KAZN: variants seen among roughly 807,000 people sequenced by gnomAD.
KAZN encodes kazrin, periplakin interacting protein.
Under a neutral mutation model 87.4 loss-of-function variants are expected in KAZN, and 40 were observed. The observed-to-expected ratio is 0.46, with a 90% CI of 0.36 to 0.60. KAZN has a LOEUF of 0.60. Ranked by LOEUF, KAZN falls within the 20% of genes least tolerant of loss-of-function variation. KAZN has a pLI of 0.00. For missense variants in KAZN, 898 were observed against 1,073.9 expected, an observed-to-expected ratio of 0.84 and a Z score of 2.29; for synonymous variants, 466 against 458.3, an observed-to-expected ratio of 1.02 and a Z score of -0.22.
chr1:14,914,323 TGG>T (rs1220898629), intron 1 of KAZN, among the ~76,000 whole-genome samples: 1 of 152,210 alleles, frequency 6.6e-6, no homozygotes, highest in African/African-American at 2.4e-5. Flanking sequence ...TCTGCCTCTC[TGG>T]GCTTTGCATT....
At chr1:14,132,077 T>A (rs1570817048) in intron 1 of KAZN, among the ~76,000 whole-genome samples, 1 of 152,080 alleles carries the variant, frequency 6.6e-6, no homozygotes, top group Admixed American at 6.6e-5. Context: ...CAATAAAAGA[T>A]ATATAATGAA....
intron 1 of KAZN, among the ~76,000 whole-genome samples, chr1:14,873,270 AG>A (rs1173063843): frequency 6.6e-6 from 1 of 152,256 alleles, no homozygotes; most frequent in Non-Finnish European, 1.5e-5. Flanking sequence ...ACACAGACAA[AG>A]CTCCTGCTTT....
chr1:14,832,442 C>T (rs185260845), intron 1 of KAZN, among the ~76,000 whole-genome samples: 46 of 152,264 alleles, frequency 3.0e-4, no homozygotes, highest in Admixed American at 2.5e-3. Context: ...TTTCAGTAGA[C>T]ATCCTGGGAG....
At chr1:14,275,234 C>T (rs146062197) in intron 2 of KAZN, among the ~76,000 whole-genome samples, 1 of 152,134 alleles carries the variant, frequency 6.6e-6, no homozygotes, top group Non-Finnish European at 1.5e-5. Flanking sequence ...TATTCCCATG[C>T]AGTCCTTCAT....
At chr1:14,679,370 T>C (rs1640431358) in intron 1 of KAZN, among the ~76,000 whole-genome samples, 1 of 151,964 alleles carries the variant, frequency 6.6e-6, no homozygotes, top group Non-Finnish European at 1.5e-5. Context: ...TTAGTTGAGC[T>C]CTGGGGTGCA....
intron 2 of KAZN, among the ~76,000 whole-genome samples, chr1:14,336,304 C>T (rs1250171392): frequency 6.6e-6 from 1 of 152,202 alleles, no homozygotes; most frequent in Non-Finnish European, 1.5e-5. Context: ...GTACTTCATT[C>T]CTGTTTATGG....
chr1:14,906,941 G>C (rs1656655588), intron 1 of KAZN, among the ~76,000 whole-genome samples: 1 of 151,938 alleles, frequency 6.6e-6, no homozygotes, highest in South Asian at 2.1e-4. Flanking sequence ...CACTGGAGCA[G>C]TGTTTTGTCC....
intron 1 of KAZN, among the ~76,000 whole-genome samples, chr1:14,623,606 C>T (rs11586128): frequency 0.21 from 31,688 of 152,106 alleles, 3,603 homozygotes; most frequent in East Asian, 0.26. Context: ...TGCACATGTA[C>T]CCCTGAATCT....
In KAZN at chr1:14,923,650, A is replaced by G. The variant is rs941023750; in HGVS notation, c.227-37034A>G. Among the ~76,000 whole-genome samples the G allele has an allele frequency of 3.9e-5, 6 of 152,198 alleles. No individual in the cohort carries two copies. The highest frequency in any genetic ancestry group is 1.2e-4 in the African/African-American group (5 of 41,458). On this transcript the variant is annotated intron_variant, in intron 1 of 14. Transcript: ENST00000376030. The surrounding 1 kb of genome is among the most constrained non-coding windows in gnomAD (Gnocchi z 4.2). ...CAGCCCCCTCGCGATCTCCCCCACC[A>G]GACGGTGGGTGCACTCAGCATTCCC...
intron 1 of KAZN, among the ~76,000 whole-genome samples, chr1:13,895,967 A>G (rs1466099700): frequency 6.6e-6 from 1 of 151,096 alleles, no homozygotes; most frequent in Non-Finnish European, 1.5e-5. Context: ...TGTTTTACAT[A>G]AACTATCTCC....
In KAZN at chr1:14,298,391, T is replaced by A. The variant is rs139330068; in HGVS notation, c.249+117799T>A. Among the ~76,000 whole-genome samples, 121 of 152,326 alleles carry A rather than the reference T, an allele frequency of 7.9e-4. 1 individual carries two copies. Among genetic ancestry groups the A allele is most frequent in the Middle Eastern group, 3.4e-3 (1 of 294 alleles). Reference sequence around the variant, plus strand: ...CTTTCATGATGAAACTCAAGATGGCTTGTGTATAAAAACTCATTAGACTGT... The same window carrying A: ...CTTTCATGATGAAACTCAAGATGGCATGTGTATAAAAACTCATTAGACTGT... On this transcript the variant is annotated intron_variant, in intron 2 of 16. Coordinates refer to the KAZN transcript ENST00000636203.
At chr1:14,471,454 G>A (rs1668448345) in intron 2 of KAZN, among the ~76,000 whole-genome samples, 1 of 152,114 alleles carries the variant, frequency 6.6e-6, no homozygotes, top group Admixed American at 6.5e-5. Flanking sequence ...GCACACACAG[G>A]GACATTGCAT....
intron 2 of KAZN, among the ~76,000 whole-genome samples, chr1:14,472,150 C>T (rs77242642): frequency 0.026 from 3,928 of 152,254 alleles, 182 homozygotes; most frequent in African/African-American, 0.088. Flanking sequence ...TAATCCCATT[C>T]ATGAGGGCTC....
intron 8 of KAZN, among the ~76,000 whole-genome samples, chr1:15,083,300 G>A (rs959909970): frequency 2.6e-5 from 4 of 152,172 alleles, no homozygotes; most frequent in Non-Finnish European, 4.4e-5. Context: ...CAAAAATGGT[G>A]GAAAGTAGTA....
At chr1:14,405,248 A>C (rs75706473) in intron 2 of KAZN, among the ~76,000 whole-genome samples, 123 of 152,304 alleles carry the variant, frequency 8.1e-4, no homozygotes, top group African/African-American at 2.8e-3. Context: ...GGAATGCAAG[A>C]TACTTTGTAT....
intron 1 of KAZN, among the ~76,000 whole-genome samples, chr1:13,944,997 G>A (rs1641081964): frequency 6.6e-6 from 1 of 151,932 alleles, no homozygotes; most frequent in African/African-American, 2.4e-5. Context: ...ACAATAAAAG[G>A]AGAGAAAGAG....
At chr1:14,102,506 C>T (rs1295671548) in intron 1 of KAZN, among the ~76,000 whole-genome samples, 1 of 151,998 alleles carries the variant, frequency 6.6e-6, no homozygotes, top group Non-Finnish European at 1.5e-5. Flanking sequence ...CAGCTGCCAT[C>T]GTGTGTTTTG....
At chr1:14,764,656 G>A (rs1034655050) in intron 1 of KAZN, among the ~76,000 whole-genome samples, 2 of 152,026 alleles carry the variant, frequency 1.3e-5, no homozygotes, top group Admixed American at 1.3e-4. Context: ...AGAGTTGGAG[G>A]GAGGGAATTG....
At chr1:14,057,355 G>C (rs748378042) in intron 1 of KAZN, among the ~76,000 whole-genome samples, 1 of 152,008 alleles carries the variant, frequency 6.6e-6, no homozygotes, top group South Asian at 2.1e-4. Context: ...GGCTGGTCTC[G>C]AACTCCTGAC....
Sources: gnomAD v4.1 joint callset for allele counts (sites outside exome capture counted in the v4.1 genomes callset) on GRCh38, gnomAD v4.1.1 for gene constraint, Gnocchi (gnomAD v3.1) non-coding constraint, MANE v1.5 for transcripts, NCBI Gene and HGNC (gene_info 2026-07-23, HGNC 2026-07-21) for gene names.